The following SLC18A1 variants were observed in gnomAD, a reference collection of about 807,000 sequenced individuals.
The protein encoded by SLC18A1 is chromaffin granule amine transporter.
Under a neutral mutation model 53.7 loss-of-function variants are expected in SLC18A1, and 69 were observed. The ratio of observed to expected loss-of-function variants is 1.28; its 90% CI spans 1.06 to 1.57. The LOEUF (loss-of-function observed/expected upper bound fraction) is 1.57, where lower values mean the gene tolerates loss of function less well. SLC18A1 is among the 40% of genes most tolerant of loss of function. The probability of loss-of-function intolerance (pLI) is 0.00; values close to 1 mark genes in which losing one functional copy is unlikely to be tolerated. For synonymous variants in SLC18A1, 320 were observed against 248.1 expected (o/e 1.29, Z -2.72); for missense variants, 932 against 668.1 (o/e 1.40, Z -4.35).
Position 20,154,388 on chromosome 8 carries a change from G to C in SLC18A1, c.1016-3644C>G, listed in dbSNP as rs116554575. On this transcript the variant is annotated intron_variant, in intron 10 of 15. Transcript: ENST00000276373. ...AAAGAACATGGACCAGATGTTGACA[G>C]CTTTAATGAATGAGGAGGGACAACT... 3.9e-3 allele frequency among the ~76,000 whole-genome samples: 599 copies of C among 152,298 alleles called. 4 individuals are homozygous for C. Among genetic ancestry groups the C allele is most frequent in the African/African-American group, 0.014 (576 of 41,558 alleles).
At chr8:20,148,814 T>G (rs952529800) in intron 12 of SLC18A1, among the ~76,000 whole-genome samples, 1 of 152,188 alleles carries the variant, frequency 6.6e-6, no homozygotes, top group Non-Finnish European at 1.5e-5. Flanking sequence ...AAGAAATGTT[T>G]ATAAATTATC....
At chr8:20,156,870 G>A (rs561156883) in intron 10 of SLC18A1, among the ~76,000 whole-genome samples, 10 of 152,212 alleles carry the variant, frequency 6.6e-5, no homozygotes, top group Admixed American at 1.3e-4. Flanking sequence ...CATAAGAATT[G>A]TTGTTTATGG....
chr8:20,149,346 T>C (rs542087472), intron 12 of SLC18A1, among the ~76,000 whole-genome samples: 3 of 152,088 alleles, frequency 2.0e-5, no homozygotes, highest in African/African-American at 7.2e-5. Context: ...GATACCAACA[T>C]GTATCACTTC....
chr8:20,163,346 A>T (rs2071876700), intron 10 of SLC18A1, among the ~76,000 whole-genome samples: 1 of 152,326 alleles, frequency 6.6e-6, no homozygotes, highest in South Asian at 2.1e-4. Context: ...AATTTGCAAC[A>T]TATAAATTTT....
At chr8:20,170,718 C>T (rs1018521584) in intron 8 of SLC18A1, among the ~76,000 whole-genome samples, 3 of 152,002 alleles carry the variant, frequency 2.0e-5, no homozygotes, top group African/African-American at 7.3e-5. Flanking sequence ...ATACTCAGTC[C>T]CCAATGTCAT....
rs768232419 is a variant in SLC18A1 at position 20,174,421 on chromosome 8, T to C, written c.571A>G (p.Thr191Ala). ...AGGGTTCGGGCCACAAAGAGTAGAG[T>C]ATAGGTCCCAGAAAAAGCAAACACT... ...TVMFAFSGTYTLLFVARTLQG... is the reference protein window; with the variant it reads ...TVMFAFSGTYALLFVARTLQG... Residue 191 changes from threonine to alanine, a missense_variant, in exon 5 of 16, where the codon ACT becomes GCT. Transcript: ENST00000276373. The C allele has an allele frequency of 3.0e-5, 48 of 1,613,364 alleles. No individual in the cohort carries two copies. Among genetic ancestry groups the C allele is most frequent in the Non-Finnish European group, 3.8e-5 (45 of 1,179,784 alleles).
chr8:20,156,340 A>T (rs2071680842), intron 10 of SLC18A1, among the ~76,000 whole-genome samples: 2 of 151,898 alleles, frequency 1.3e-5, no homozygotes, highest in Non-Finnish European at 2.9e-5. Flanking sequence ...AAGATGACTT[A>T]ACATTAACCA....
In SLC18A1 at chr8:20,147,616, C is replaced by A. The variant is rs763823073; in HGVS notation, c.1317G>T (p.Met439Ile). 10 of 1,613,998 alleles carry A rather than the reference C, an allele frequency of 6.2e-6. No homozygotes were observed. In the South Asian group the frequency reaches 8.8e-5, roughly 14 times the overall value. The change falls in exon 14 of 16, where the codon ATG becomes ATT. Residue 439 changes from methionine to isoleucine, a missense_variant. Met to Ile is a conservative substitution (Grantham distance 10, BLOSUM62 1). Coordinates refer to ENST00000276373, the MANE Select transcript of SLC18A1 (RefSeq NM_003053.4). ...CTGCCAACATACCTATAGCAAAGCC[C>A]ATGCAAAAAGCCACATCAGCGATGG... is the stretch of plus-strand genomic sequence containing the variant. Reference protein sequence around the residue: ...VYAIADVAFCMGFAIGPSTGG... With the variant: ...VYAIADVAFCIGFAIGPSTGG...
intron 15 of SLC18A1, among the ~76,000 whole-genome samples, 195 bp from the exon 16 acceptor site, chr8:20,146,071 A>G (rs1344654992): frequency 1.3e-5 from 2 of 151,800 alleles, no homozygotes; most frequent in African/African-American, 4.8e-5. Context: ...GCCCATCACC[A>G]CGCCAGGCTA....
rs747537218 is a variant in SLC18A1 at position 20,179,324 on chromosome 8, G to T, written c.285C>A (p.Ser95Arg). The change falls in exon 3 of 16, where the codon AGC (serine) becomes AGA (arginine). Residue 95 changes from serine (S) to arginine (R), a missense_variant. Ser to Arg is a moderately radical substitution (Grantham distance 110). Coordinates refer to ENST00000276373, the MANE Select transcript of SLC18A1 (RefSeq NM_003053.4). ...FNNNTVAVEE[S>R]VPSGIAWMND... ...TCATCCATGCTATTCCACTAGGTAC[G>T]CTTTCTTCAACAGCCACGGTGTTGT... The T allele has an allele frequency of 6.2e-7, 1 of 1,614,192 alleles. No individual in the cohort carries two copies. The highest frequency in any genetic ancestry group is 1.1e-5 in the South Asian group (1 of 91,078).
intron 3 of SLC18A1, 101 bp downstream of exon 3, chr8:20,179,020 C>A (rs1316224587): frequency 2.1e-6 from 3 of 1,399,446 alleles, no homozygotes; most frequent in Admixed American, 4.8e-5. Flanking sequence ...AGGAATCATA[C>A]AAGTGAGTAT....
chr8:20,174,247 A>T lies in SLC18A1; in HGVS notation c.631+114T>A, dbSNP rs139168039. 1.7e-3 allele frequency: 1,361 copies of T among 807,456 alleles called. 15 individuals are homozygous for T. The African/African-American group carries it at 0.02, about 12-fold the overall frequency. The allele number at this position is 807,456 out of a possible 1,614,324, so 50.0% of individuals were successfully genotyped here. On this transcript the variant is annotated intron_variant, in intron 5 of 15. Transcript: ENST00000276373. ...TATTTCTGAATCACAATTTCTACCT[A>T]TCCAGGTGACATTTTCCTTAATTTC...
intron 10 of SLC18A1, 165 bp from the exon 11 acceptor site, chr8:20,150,909 G>C: frequency 1.6e-6 from 1 of 632,122 alleles, no homozygotes; most frequent in Non-Finnish European, 2.9e-6. Context: ...AGTTGCCATA[G>C]GACCCCCACA....
rs985870593 is a variant in SLC18A1, at chr8:20,174,279, T to C, written c.631+82A>G. On this transcript the variant is annotated intron_variant, in intron 5 of 15. Coordinates refer to ENST00000276373, the MANE Select transcript of SLC18A1 (RefSeq NM_003053.4). ...TGACATTTTCCTTAATTTCTCCATG[T>C]AAATATAGGATCTGAGGTAGTAAGA... 1.3e-5 allele frequency: 13 copies of C among 1,024,234 alleles called. No homozygotes were observed. In the African/African-American group the frequency reaches 1.9e-4, roughly 15 times the overall value. The allele number at this position is 1,024,234 out of a possible 1,614,324, so 63.4% of individuals were successfully genotyped here. A position where few individuals can be genotyped will look rare whatever the true frequency, so the allele number is the denominator to read the frequency against.
intron 2 of SLC18A1, among the ~76,000 whole-genome samples, chr8:20,180,080 C>T (rs1347489361): frequency 2.7e-5 from 4 of 148,338 alleles, no homozygotes; most frequent in African/African-American, 1.0e-4. Context: ...ACACGATGTA[C>T]CACGATGTTT....
At chr8:20,175,906 T>A (rs2072240374) in intron 4 of SLC18A1, 1 of 152,230 alleles carries the variant, frequency 6.6e-6, no homozygotes, top group Non-Finnish European at 1.5e-5. Context: ...CTTTGTTATT[T>A]CCAGTCTTTT....
chr8:20,180,827 A>G lies in SLC18A1; in HGVS notation c.124+14T>C. 1 of 1,613,588 alleles carries G rather than the reference A, an allele frequency of 6.2e-7. No homozygotes were observed. The highest frequency in any genetic ancestry group is 1.1e-5 in the South Asian group (1 of 90,988). ...CAGCAAATTAACCCTCAGCACAAAGACCCACAAACGTACCCACCACAGTAA... is the reference window on the plus strand; with the variant it reads ...CAGCAAATTAACCCTCAGCACAAAGGCCCACAAACGTACCCACCACAGTAA... On this transcript the variant is annotated intron_variant, in intron 2 of 15. Transcript: ENST00000276373.
chr8:20,180,818 A>C, intron 2 of SLC18A1, 23 bp downstream of exon 2: 2 of 1,613,096 alleles, frequency 1.2e-6, no homozygotes, highest in Non-Finnish European at 1.7e-6. Context: ...ATTAACCCTC[A>C]GCACAAAGAC....
rs750954215 is a variant in SLC18A1, at chr8:20,178,462, A to G, written c.520T>C (p.Phe174Leu). 1 of 1,611,728 alleles carries G rather than the reference A, an allele frequency of 6.2e-7. No homozygotes were observed. Reference sequence around the variant, plus strand: ...ACTGTGGAGAGAAACATGATAACAAAGCCAGCAAACATGGGGATATGATAT... The same window carrying G: ...ACTGTGGAGAGAAACATGATAACAAGGCCAGCAAACATGGGGATATGATAT... Reference protein sequence around the residue: ...IGYHIPMFAGFVIMFLSTVMF... With the variant: ...IGYHIPMFAGLVIMFLSTVMF... The change falls in exon 4 of 16, where the codon TTT becomes CTT. Residue 174 changes from phenylalanine to leucine, a missense_variant. Physicochemically the swap from Phe to Leu is conservative, Grantham distance 22. Transcript: ENST00000276373.
Sources: allele counts gnomAD v4.1 joint callset (sites outside exome capture counted in the v4.1 genomes callset), GRCh38; gene constraint gnomAD v4.1.1; transcripts MANE v1.5; gene names NCBI Gene and HGNC (gene_info 2026-07-23, HGNC 2026-07-21).